The following CUX1 variants were observed in gnomAD, a reference collection of about 807,000 sequenced individuals.
CUX1 encodes the protein cut like homeobox 1, also known as protein CASP.
CUX1 carries 31 observed loss-of-function variants against 158.8 expected under a neutral mutation model. The ratio of observed to expected loss-of-function variants is 0.20; its 90% confidence interval spans 0.15 to 0.26. CUX1 has a LOEUF of 0.26. Ranked by LOEUF, CUX1 falls within the 10% of genes least tolerant of loss-of-function variation. The pLI is 1.00. For synonymous variants in CUX1, 879 were observed against 862.1 expected (o/e 1.02, Z -0.34); for missense variants, 1,589 against 2,014.6 (o/e 0.79, Z 4.04).
intron 15 of CUX1, among the ~76,000 whole-genome samples, chr7:102,198,519 C>T (rs1266699949): frequency 1.3e-5 from 2 of 152,220 alleles, no homozygotes; most frequent in East Asian, 1.9e-4. Context: ...GCGGGTGATC[C>T]TCCTTCAAGG....
intron 3 of CUX1, among the ~76,000 whole-genome samples, chr7:102,038,529 T>A (rs1024487824): frequency 6.6e-6 from 1 of 152,202 alleles, no homozygotes; most frequent in African/African-American, 2.4e-5. Flanking sequence ...CCTGACCAAG[T>A]TGGCTAAAAT....
At chr7:101,912,133 G>C (rs1803559321) in intron 1 of CUX1, among the ~76,000 whole-genome samples, 1 of 151,974 alleles carries the variant, frequency 6.6e-6, no homozygotes. Context: ...ACCCTCCTCT[G>C]TCTTCCTCGG....
intron 4 of CUX1, among the ~76,000 whole-genome samples, chr7:102,095,424 G>C (rs941174559): frequency 2.0e-5 from 3 of 152,184 alleles, no homozygotes; most frequent in Non-Finnish European, 4.4e-5. Flanking sequence ...TATACGTGCA[G>C]AGTAAGTGCC....
intron 8 of CUX1, among the ~76,000 whole-genome samples, chr7:102,129,995 G>T (rs1319796498): frequency 6.6e-6 from 1 of 152,158 alleles, no homozygotes; most frequent in Non-Finnish European, 1.5e-5. Flanking sequence ...AGAATGAAAA[G>T]TTTCCTATAG....
intron 2 of CUX1, among the ~76,000 whole-genome samples, chr7:101,922,844 T>A (rs891501364): frequency 1.3e-5 from 2 of 152,300 alleles, no homozygotes; most frequent in Non-Finnish European, 1.5e-5. Flanking sequence ...GGGCAGCACC[T>A]CTGCACTGGG....
At position 102,170,487 on chromosome 7, in the gene CUX1, A is replaced by C; in HGVS notation, c.765A>C (p.Glu255Asp). The C allele has an allele frequency of 6.3e-7, 1 of 1,594,086 alleles. No homozygotes were observed. Among genetic ancestry groups the C allele is most frequent in the Non-Finnish European group, 8.5e-7 (1 of 1,169,932 alleles). ...VAQREAETLR[E>D]QLSSANHSLQ... ...AGAGAGAGGCGGAGACCTTAAGGGAACAGCTCTCATCGGCCAATCACTCCC... is the reference window on the plus strand; with the variant it reads ...AGAGAGAGGCGGAGACCTTAAGGGACCAGCTCTCATCGGCCAATCACTCCC... The change falls in exon 10 of 24, where the codon GAA becomes GAC. Residue 255 changes from glutamate to aspartate, a missense_variant. Coordinates refer to ENST00000292535, the MANE Select transcript of CUX1 (RefSeq NM_181552.4).
At chr7:101,854,042 G>A (rs568554562) in intron 1 of CUX1, among the ~76,000 whole-genome samples, 211 of 152,196 alleles carry the variant, frequency 1.4e-3, no homozygotes, top group Non-Finnish European at 2.5e-3. Flanking sequence ...GCTTTCCAGC[G>A]CTTTCCAGCT....
intron 1 of CUX1, among the ~76,000 whole-genome samples, chr7:101,861,339 A>G (rs1838456619): frequency 6.6e-6 from 1 of 152,180 alleles, no homozygotes; most frequent in South Asian, 2.1e-4. Context: ...TCTCTAAAGA[A>G]CAGAGTCTAC....
At position 101,999,979 on chromosome 7, in the gene CUX1, C is replaced by T. The variant is rs79763845; in HGVS notation, c.142-28119C>T. 5.8e-4 allele frequency among the ~76,000 whole-genome samples: 88 copies of T among 152,162 alleles called. No individual in the cohort carries two copies. The East Asian group carries it at 0.013, about 22-fold the overall frequency. On this transcript the variant is annotated intron_variant, in intron 2 of 23. Coordinates refer to ENST00000292535, the MANE Select transcript of CUX1 (RefSeq NM_181552.4). ...TGCCTGTAATCCCAGCACTCTGGGA[C>T]GCCAAGGCAGGAGGATCACCTGAGG...
intron 8 of CUX1, among the ~76,000 whole-genome samples, chr7:102,128,983 A>G (rs1365616168): frequency 6.6e-6 from 1 of 151,778 alleles, no homozygotes; most frequent in East Asian, 1.9e-4. Flanking sequence ...CAAAAAAAAA[A>G]GAGAAAAGAA....
chr7:102,072,566 A>C (rs1826250679), intron 4 of CUX1, among the ~76,000 whole-genome samples: 1 of 152,220 alleles, frequency 6.6e-6, no homozygotes, highest in Admixed American at 6.5e-5. Flanking sequence ...CAACTAATCA[A>C]AGGTACTTTC....
At chr7:102,027,159 C>T (rs1820138513) in intron 2 of CUX1, among the ~76,000 whole-genome samples, 2 of 152,030 alleles carry the variant, frequency 1.3e-5, no homozygotes, top group South Asian at 4.1e-4. Flanking sequence ...TGAAGGTGGG[C>T]GGATCACCTG....
chr7:102,140,549 A>G (rs1372495462), intron 8 of CUX1, among the ~76,000 whole-genome samples: 2 of 151,082 alleles, frequency 1.3e-5, no homozygotes, highest in African/African-American at 2.4e-5. Context: ...CCCAGCCTCT[A>G]TGTGTTTTTT....
In CUX1 at chr7:102,281,762, C is replaced by A. The variant is rs1282522563; in HGVS notation, c.1822-78C>A. 61 of 985,336 alleles carry A rather than the reference C, an allele frequency of 6.2e-5. No homozygotes were observed. In the Admixed American group the frequency reaches 1.1e-3, roughly 17 times the overall value. 61.0% of individuals were successfully genotyped at this position (985,336 alleles called of 1,614,324 possible). A position where few individuals can be genotyped will look rare whatever the true frequency, so the allele number is the denominator to read the frequency against. Reference sequence around the variant, plus strand: ...TCCCTCCCCTTGCCACCCTAGGGCCCTTTCTGTGAAGCCCAGGCAGCCCTG... The same window carrying A: ...TCCCTCCCCTTGCCACCCTAGGGCCATTTCTGTGAAGCCCAGGCAGCCCTG... On this transcript the variant is annotated intron_variant, in intron 20 of 22. Coordinates refer to the CUX1 transcript ENST00000292538.
chr7:102,045,367 G>T (rs564539317), intron 3 of CUX1, among the ~76,000 whole-genome samples: 1 of 152,226 alleles, frequency 6.6e-6, no homozygotes, highest in Non-Finnish European at 1.5e-5. Flanking sequence ...GTGGAAAGGG[G>T]CGCTCTCAGC....
At chr7:102,043,146 T>C (rs1773971141) in intron 3 of CUX1, among the ~76,000 whole-genome samples, 1 of 152,100 alleles carries the variant, frequency 6.6e-6, no homozygotes, top group African/African-American at 2.4e-5. Flanking sequence ...AGACGAGGTT[T>C]TGCCACGTTG....
At chr7:102,134,611 G>A (rs1268778484) in intron 8 of CUX1, among the ~76,000 whole-genome samples, 13 of 151,994 alleles carry the variant, frequency 8.6e-5, no homozygotes, top group Non-Finnish European at 1.8e-4. Context: ...CTTTTTATTT[G>A]TTTTGAGACA....
intron 20 of CUX1, among the ~76,000 whole-genome samples, chr7:102,211,009 G>T (rs923607732): frequency 2.0e-5 from 3 of 152,214 alleles, no homozygotes; most frequent in African/African-American, 7.2e-5. Flanking sequence ...TCTGCAGTAA[G>T]ATTCTAAAGC....
At chr7:102,122,170 G>A (rs782718478) in intron 8 of CUX1, among the ~76,000 whole-genome samples, 1 of 152,084 alleles carries the variant, frequency 6.6e-6, no homozygotes, top group Admixed American at 6.6e-5. Context: ...TCTGTCTGCT[G>A]TACCTTTAAG....
Sources: allele counts gnomAD v4.1 joint callset (sites outside exome capture counted in the v4.1 genomes callset), GRCh38; gene constraint gnomAD v4.1.1; transcripts MANE v1.5; gene names NCBI Gene and HGNC (gene_info 2026-07-23, HGNC 2026-07-21).